Variants in PNLIPRP3 observed in about 807,000 individuals in gnomAD.
PNLIPRP3 encodes pancreatic lipase related protein 3, also known as pancreatic lipase-related protein 3.
Under a neutral mutation model 52.8 loss-of-function variants are expected in PNLIPRP3, and 58 were observed. That is an observed-to-expected ratio of 1.10 (90% CI 0.89 to 1.37). The LOEUF is 1.37. PNLIPRP3 is among the 40% of genes most tolerant of loss of function. PNLIPRP3 has a pLI of 0.00. For missense variants in PNLIPRP3, 593 were observed against 561.6 expected (o/e 1.06, Z -0.57); for synonymous variants, 192 against 185.0 (o/e 1.04, Z -0.31).
chr10:116,472,042 G>T (rs1846382144), intron 10 of PNLIPRP3, among the ~76,000 whole-genome samples, 163 bp downstream of exon 10: 2 of 152,092 alleles, frequency 1.3e-5, no homozygotes, highest in Admixed American at 1.3e-4. Context: ...CAAATATAAA[G>T]TAGAAATCAT....
intron 5 of PNLIPRP3, among the ~76,000 whole-genome samples, 179 bp downstream of exon 5, chr10:116,456,009 G>T (rs902927640): frequency 2.0e-5 from 3 of 152,226 alleles, no homozygotes; most frequent in Admixed American, 6.5e-5. Context: ...CGCTTCAAGG[G>T]GGTTCATTGC....
Position 116,477,287 on chromosome 10 carries a change from T to A in PNLIPRP3, c.*134T>A. 1 of 604,792 alleles carries A rather than the reference T, an allele frequency of 1.7e-6. No individual in the cohort carries two copies. Among genetic ancestry groups the A allele is most frequent in the Non-Finnish European group, 2.7e-6 (1 of 367,942 alleles). The allele number at this position is 604,792 out of a possible 1,614,324, so 37.5% of individuals were successfully genotyped here. A position where few individuals can be genotyped will look rare whatever the true frequency, so the allele number is the denominator to read the frequency against. The stretch of plus-strand genomic sequence containing the variant: ...TACAAGGGTCTTACTCAGAGTCAAG[T>A]ACGGGTTTGCTTTTTTTCTGTGTAG... On this transcript the variant is annotated 3_prime_UTR_variant, in exon 12 of 12. Coordinates refer to ENST00000369230, the MANE Select transcript of PNLIPRP3 (RefSeq NM_001011709.3).
chr10:116,459,201 A>G (rs1846156392), intron 5 of PNLIPRP3, among the ~76,000 whole-genome samples: 1 of 151,292 alleles, frequency 6.6e-6, no homozygotes, highest in African/African-American at 2.4e-5. Context: ...CATATTCTTC[A>G]AGTTTCCATT....
chr10:116,462,186 A>G (rs943368875), intron 7 of PNLIPRP3, among the ~76,000 whole-genome samples: 1 of 152,112 alleles, frequency 6.6e-6, no homozygotes, highest in African/African-American at 2.4e-5. Flanking sequence ...GTTTCCAATA[A>G]TAATAGTTAC....
intron 2 of PNLIPRP3, among the ~76,000 whole-genome samples, chr10:116,437,773 T>C (rs999728100): frequency 2.6e-5 from 4 of 152,168 alleles, no homozygotes; most frequent in African/African-American, 4.8e-5. Flanking sequence ...ACTATTAAAA[T>C]TACAATTAAA....
chr10:116,452,411 C>T (rs2133132138), intron 4 of PNLIPRP3, among the ~76,000 whole-genome samples: 1 of 152,338 alleles, frequency 6.6e-6, no homozygotes. Flanking sequence ...TGTAAGTGGG[C>T]TGTGGAGCAA....
chr10:116,473,721 A>G (rs1846411153), intron 10 of PNLIPRP3, among the ~76,000 whole-genome samples: 1 of 151,942 alleles, frequency 6.6e-6, no homozygotes, highest in African/African-American at 2.4e-5. Flanking sequence ...GGGGTTCACC[A>G]TGTTTGCCAG....
chr10:116,449,898 C>G (rs576840468), intron 4 of PNLIPRP3, among the ~76,000 whole-genome samples: 1 of 152,282 alleles, frequency 6.6e-6, no homozygotes, highest in Admixed American at 6.5e-5. Context: ...TACCAAGTAT[C>G]TTTCTTGACC....
rs79642192 is a variant in PNLIPRP3 at position 116,440,275 on chromosome 10, C to G, written c.205-2780C>G. On this transcript the variant is annotated intron_variant, in intron 2 of 11. Coordinates refer to ENST00000369230, the MANE Select transcript of PNLIPRP3 (RefSeq NM_001011709.3). ...GCACTTGAATTCTGTGGAGCACGGT[C>G]AGTAAAACAGAAGGTGATAAAGACA... Among the ~76,000 whole-genome samples the G allele has an allele frequency of 9.9e-5, 15 of 152,166 alleles. No homozygotes were observed. In the East Asian group the frequency reaches 2.5e-3, roughly 25 times the overall value.
intron 7 of PNLIPRP3, among the ~76,000 whole-genome samples, chr10:116,463,318 C>T (rs2133147313): frequency 6.6e-6 from 1 of 152,222 alleles, no homozygotes; most frequent in South Asian, 2.1e-4. Context: ...TGACTGCATC[C>T]AGTTGGGGGC....
chr10:116,442,375 A>C (rs1480207051), intron 2 of PNLIPRP3, among the ~76,000 whole-genome samples: 1 of 152,128 alleles, frequency 6.6e-6, no homozygotes, highest in African/African-American at 2.4e-5. Flanking sequence ...GACAACCTCC[A>C]TTTTGCCATG....
intron 10 of PNLIPRP3, 34 bp downstream of exon 10, chr10:116,471,913 T>C: frequency 7.3e-7 from 1 of 1,360,692 alleles, no homozygotes; most frequent in Non-Finnish European, 1.0e-6. Flanking sequence ...CTTTGCACAG[T>C]GCTGGGGGCT....
At position 116,443,109 on chromosome 10, in the gene PNLIPRP3, A is replaced by T. The variant is rs1845880983; in HGVS notation, c.259A>T (p.Lys87Ter). Residue 87 changes from lysine to a stop codon, truncating the protein, a stop_gained, in exon 3 of 12, where the codon AAG becomes TAG. Transcript: ENST00000369230. LOFTEE classifies it high-confidence loss of function. ...TIQASYFGTDKITRINIAGWK... is the reference protein window; with the variant it reads ...TIQASYFGTD ...CCAAGCCTCATATTTTGGAACAGACAAGATCACCCGTATCAACATAGCTGG... is the reference window on the plus strand; with the variant it reads ...CCAAGCCTCATATTTTGGAACAGACTAGATCACCCGTATCAACATAGCTGG... The T allele has an allele frequency of 1.9e-6, 3 of 1,611,660 alleles. No homozygotes were observed. The highest frequency in any genetic ancestry group is 2.5e-6 in the Non-Finnish European group (3 of 1,178,198).
intron 1 of PNLIPRP3, among the ~76,000 whole-genome samples, chr10:116,434,661 T>C (rs996752176): frequency 6.6e-5 from 10 of 152,184 alleles, no homozygotes; most frequent in Admixed American, 6.6e-4. Flanking sequence ...TATAAAAATC[T>C]TCATTTTAAA....
At chr10:116,430,444 A>G (rs1294521511) in intron 1 of PNLIPRP3, among the ~76,000 whole-genome samples, 1 of 152,202 alleles carries the variant, frequency 6.6e-6, no homozygotes, top group Non-Finnish European at 1.5e-5. Context: ...GATAGTCAGT[A>G]CGGTATGTGA....
At chr10:116,469,389 G>T in intron 9 of PNLIPRP3, 72 bp downstream of exon 9, 3 of 1,401,906 alleles carry the variant, frequency 2.1e-6, no homozygotes, top group South Asian at 1.5e-5. Context: ...AGTTTTTATT[G>T]AGTGTCTACT....
intron 8 of PNLIPRP3, among the ~76,000 whole-genome samples, chr10:116,467,795 C>G (rs934768961): frequency 6.6e-6 from 1 of 152,044 alleles, no homozygotes; most frequent in African/African-American, 2.4e-5. Context: ...AGTTCTCCTA[C>G]TAATGTGAGT....
chr10:116,453,298 C>T (rs1179507389), intron 4 of PNLIPRP3, among the ~76,000 whole-genome samples: 4 of 152,100 alleles, frequency 2.6e-5, no homozygotes, highest in Admixed American at 1.3e-4. Context: ...AAGTAAATAA[C>T]TTGTTTTTTA....
At chr10:116,476,340 C>T (rs963663291) in intron 10 of PNLIPRP3, among the ~76,000 whole-genome samples, 1 of 152,080 alleles carries the variant, frequency 6.6e-6, no homozygotes, top group African/African-American at 2.4e-5. Context: ...TTCCTGGTGT[C>T]AGTATAATCT....
Sources: allele counts gnomAD v4.1 joint callset (sites outside exome capture counted in the v4.1 genomes callset), GRCh38; gene constraint gnomAD v4.1.1; transcripts MANE v1.5; gene names NCBI Gene and HGNC (gene_info 2026-07-23, HGNC 2026-07-21).